DPP10: variants seen among roughly 807,000 people sequenced by gnomAD.
DPP10 encodes the protein dipeptidyl peptidase like 10, also known as inactive dipeptidyl peptidase 10.
A neutral mutation model predicts 120.9 loss-of-function variants in DPP10; 33 were observed. The observed-to-expected ratio is 0.27, with a 90% CI of 0.21 to 0.37. The LOEUF is 0.37. DPP10 is among the 10% of genes least tolerant of loss of function. The pLI is 1.00. For missense variants in DPP10, 816 were observed against 942.8 expected, an observed-to-expected ratio of 0.87 and a Z score of 1.76; for synonymous variants, 337 against 326.1, an observed-to-expected ratio of 1.03 and a Z score of -0.36.
chr2:115,178,884 A>C (rs959448321), intron 1 of DPP10, among the ~76,000 whole-genome samples: 1 of 152,226 alleles, frequency 6.6e-6, no homozygotes, highest in Non-Finnish European at 1.5e-5. Flanking sequence ...TGAAACTATC[A>C]TAAGTTCCTC....
intron 1 of DPP10, among the ~76,000 whole-genome samples, chr2:115,258,923 A>T (rs924585322): frequency 3.3e-5 from 5 of 152,208 alleles, no homozygotes; most frequent in African/African-American, 4.8e-5. Flanking sequence ...TTGTGCTTAC[A>T]TATTTATCTT....
chr2:115,636,711 A>G (rs2086364624), intron 5 of DPP10, among the ~76,000 whole-genome samples: 1 of 152,146 alleles, frequency 6.6e-6, no homozygotes, highest in African/African-American at 2.4e-5. Flanking sequence ...TCTTTATTGT[A>G]CTGTTCTTTC....
intron 1 of DPP10, among the ~76,000 whole-genome samples, chr2:114,702,571 A>G (rs747496612): frequency 6.6e-6 from 1 of 152,120 alleles, no homozygotes; most frequent in Non-Finnish European, 1.5e-5. Context: ...GTTACCTCGT[A>G]TACTTGGCTC....
intron 1 of DPP10, among the ~76,000 whole-genome samples, chr2:114,547,535 T>C (rs1256204649): frequency 1.3e-5 from 2 of 152,152 alleles, no homozygotes; most frequent in African/African-American, 4.8e-5. Flanking sequence ...TGACCCTAGC[T>C]GTACAACTCT....
In DPP10 at chr2:115,321,302, A is replaced by G. The variant is rs144056040; in HGVS notation, c.175+11949A>G. 2.2e-3 allele frequency among the ~76,000 whole-genome samples: 340 copies of G among 152,154 alleles called. 1 individual carries two copies. The highest frequency in any genetic ancestry group is 7.5e-3 in the African/African-American group (310 of 41,546). On this transcript the variant is annotated intron_variant, in intron 2 of 25. Coordinates refer to ENST00000410059, the MANE Select transcript of DPP10 (RefSeq NM_020868.6). ...GGCAACAAGAGTGAAACCCCATCTC[A>G]AAAGAAAGAAAGAAAGGAAGCTCTT...
At chr2:115,561,674 G>C (rs1575182413) in intron 5 of DPP10, among the ~76,000 whole-genome samples, 1 of 152,100 alleles carries the variant, frequency 6.6e-6, no homozygotes, top group Admixed American at 6.5e-5. Flanking sequence ...TATTTAACCA[G>C]TGTTGCAATG....
chr2:115,484,201 G>A (rs1016923646), intron 3 of DPP10, among the ~76,000 whole-genome samples: 6 of 150,826 alleles, frequency 4.0e-5, no homozygotes, highest in African/African-American at 1.5e-4. Flanking sequence ...CAATTTTCCT[G>A]TACTTACCTG....
chr2:115,527,613 A>G (rs1223216895), intron 5 of DPP10, among the ~76,000 whole-genome samples: 1 of 152,148 alleles, frequency 6.6e-6, no homozygotes, highest in Admixed American at 6.6e-5. Context: ...GTGACAAAGG[A>G]TCAACATTCA....
chr2:115,075,705 C>CTT (rs202184549), intron 1 of DPP10, among the ~76,000 whole-genome samples: 122 of 143,238 alleles, frequency 8.5e-4, no homozygotes, highest in Middle Eastern at 3.6e-3. Flanking sequence ...CAATGGTGAA[C>CTT]TTTTTTTTTT....
At chr2:114,509,959 GT>G (rs1321534416) in intron 1 of DPP10, among the ~76,000 whole-genome samples, 1 of 152,162 alleles carries the variant, frequency 6.6e-6, no homozygotes, top group Non-Finnish European at 1.5e-5. Context: ...AACTATTTCT[GT>G]TTCTTCTTAT....
intron 5 of DPP10, among the ~76,000 whole-genome samples, chr2:115,632,940 G>A (rs1215233814): frequency 6.6e-6 from 1 of 152,198 alleles, no homozygotes; most frequent in African/African-American, 2.4e-5. Flanking sequence ...AACAGGTGCT[G>A]GAGAGGATGT....
At chr2:115,753,792 A>T (rs1679058610) in intron 11 of DPP10, among the ~76,000 whole-genome samples, 1 of 152,196 alleles carries the variant, frequency 6.6e-6, no homozygotes, top group African/African-American at 2.4e-5. Context: ...GTTATATTTC[A>T]ATTCTTAATA....
At chr2:115,427,425 C>G (rs1365507123) in intron 3 of DPP10, among the ~76,000 whole-genome samples, 1 of 152,228 alleles carries the variant, frequency 6.6e-6, no homozygotes, top group Non-Finnish European at 1.5e-5. Context: ...CAAACCTTCA[C>G]TCTCGCAGGG....
chr2:114,879,060 C>G (rs927003036), intron 1 of DPP10, among the ~76,000 whole-genome samples: 1 of 151,638 alleles, frequency 6.6e-6, no homozygotes, highest in African/African-American at 2.4e-5. Context: ...AGTTTTTCAT[C>G]TAGACTACTG....
chr2:115,639,592 A>C (rs768514826), intron 5 of DPP10, among the ~76,000 whole-genome samples: 41 of 151,894 alleles, frequency 2.7e-4, no homozygotes, highest in Non-Finnish European at 5.6e-4. Context: ...AAATGACAGG[A>C]GGTCACAGGT....
intron 1 of DPP10, among the ~76,000 whole-genome samples, chr2:114,888,245 TTC>T (rs1193441478): frequency 6.6e-6 from 1 of 152,132 alleles, no homozygotes; most frequent in Non-Finnish European, 1.5e-5. Context: ...GGCATCCACA[TTC>T]TCTTTTTGTG....
chr2:114,849,751 AT>A (rs1390539323), intron 1 of DPP10, among the ~76,000 whole-genome samples: 1 of 152,118 alleles, frequency 6.6e-6, no homozygotes, highest in Non-Finnish European at 1.5e-5. Context: ...GGTAAATACT[AT>A]TTCCTAATAG....
At chr2:115,633,088 T>A (rs891207785) in intron 5 of DPP10, among the ~76,000 whole-genome samples, 5 of 152,074 alleles carry the variant, frequency 3.3e-5, no homozygotes, top group Non-Finnish European at 7.4e-5. Context: ...TGGGTATATA[T>A]CCAAAGGATT....
intron 1 of DPP10, among the ~76,000 whole-genome samples, chr2:114,712,212 C>T (rs542587157): frequency 2.1e-4 from 32 of 152,072 alleles, no homozygotes; most frequent in African/African-American, 6.5e-4. Flanking sequence ...CCCAGCTACT[C>T]GGGAGGCCAA....
Sources: allele counts gnomAD v4.1 joint callset (sites outside exome capture counted in the v4.1 genomes callset), GRCh38; gene constraint gnomAD v4.1.1; transcripts MANE v1.5; gene names NCBI Gene and HGNC (gene_info 2026-07-23, HGNC 2026-07-21).